The following SCAMP5 variants were observed in gnomAD, a reference collection of about 807,000 sequenced individuals.
The protein encoded by SCAMP5 is secretory carrier-associated membrane protein 5.
SCAMP5 carries 7 observed loss-of-function variants against 28.3 expected under a neutral mutation model. The ratio of observed to expected loss-of-function variants is 0.25; its 90% CI spans 0.14 to 0.46. The LOEUF (loss-of-function observed/expected upper bound fraction) is 0.46. SCAMP5 is among the 20% of genes least tolerant of loss of function. SCAMP5 has a pLI of 0.99. For synonymous variants in SCAMP5, 117 were observed against 116.4 expected, an observed-to-expected ratio of 1.00 and a Z score of -0.03; for missense variants, 192 against 312.5, an observed-to-expected ratio of 0.61 and a Z score of 2.91.
intron 1 of SCAMP5, among the ~76,000 whole-genome samples, chr15:75,002,101 GT>G (rs1476435050): frequency 6.6e-6 from 1 of 151,872 alleles, no homozygotes; most frequent in African/African-American, 2.4e-5. Flanking sequence ...GTGAGACCCT[GT>G]CTCAAATAAA....
At chr15:75,010,627 C>A (rs1294929760) in intron 1 of SCAMP5, among the ~76,000 whole-genome samples, 1 of 152,092 alleles carries the variant, frequency 6.6e-6, no homozygotes, top group East Asian at 1.9e-4. Flanking sequence ...AGCTGTGCAA[C>A]ACAGCAAGAC....
intron 1 of SCAMP5, among the ~76,000 whole-genome samples, chr15:75,000,312 T>G (rs571152666): frequency 6.6e-6 from 1 of 152,272 alleles, no homozygotes; most frequent in South Asian, 2.1e-4. Flanking sequence ...CTCACAATCC[T>G]CCCACCTCAG....
chr15:74,997,879 A>G (rs8029718), intron 1 of SCAMP5, among the ~76,000 whole-genome samples: 4,833 of 152,300 alleles, frequency 0.032, 224 homozygotes, highest in African/African-American at 0.1. Flanking sequence ...TCAGGGCAGA[A>G]GATGGGGCTA....
chr15:75,013,018 C>A (rs1053407359), intron 3 of SCAMP5: 1 of 577,264 alleles, frequency 1.7e-6, no homozygotes, highest in East Asian at 2.9e-5. Flanking sequence ...CTCAACCTCC[C>A]CCATCTAGGC....
chr15:75,014,834 A>C (rs2065845315), intron 3 of SCAMP5, among the ~76,000 whole-genome samples: 1 of 152,134 alleles, frequency 6.6e-6, no homozygotes, highest in Non-Finnish European at 1.5e-5. Context: ...GACTGGGGAG[A>C]GATGTGAACC....
Position 75,018,466 on chromosome 15 carries a change from G to C in SCAMP5, c.444G>C (p.Ala148=). The C allele has an allele frequency of 6.2e-7, 1 of 1,613,814 alleles. No homozygotes were observed. The highest frequency in any genetic ancestry group is 8.5e-7 in the Non-Finnish European group (1 of 1,179,786). ...ISFFGTNIGS[A]VVMLIPTVMF... The stretch of plus-strand genomic sequence containing the variant: ...TCTTCGGAACGAACATTGGCTCGGC[G>C]GTGGTGATGCTAATTCCCACTGTCA... The change falls in exon 6 of 7, where the codon GCG becomes GCC. Residue 148 remains alanine (A), a synonymous_variant. Coordinates refer to ENST00000425597, the MANE Select transcript of SCAMP5 (RefSeq NM_138967.4). The surrounding 1 kb of genome is among the most constrained non-coding windows in gnomAD (Gnocchi z 5.6).
At chr15:75,012,998 C>G in intron 3 of SCAMP5, 193 bp downstream of exon 3, 1 of 594,548 alleles carries the variant, frequency 1.7e-6, no homozygotes, top group Non-Finnish European at 3.0e-6. Flanking sequence ...CCGACTGGGC[C>G]TCAGTTTCCC....
In SCAMP5 at chr15:75,018,098, G is replaced by A; in HGVS notation, c.395+127G>A. 1 of 664,766 alleles carries A rather than the reference G, an allele frequency of 1.5e-6. No homozygotes were observed. Among genetic ancestry groups the A allele is most frequent in the East Asian group, 2.6e-5 (1 of 39,154 alleles). The allele number at this position is 664,766 out of a possible 1,614,324, so 41.2% of individuals were successfully genotyped here. On this transcript the variant is annotated intron_variant, in intron 5 of 6. Transcript: ENST00000425597. The surrounding 1 kb of genome is among the most constrained non-coding windows in gnomAD (Gnocchi z 5.6). Reference sequence around the variant, plus strand: ...TGATGGGTTGTTGGGAGAGTGAGAGGATTCGGGATAGTGTAGTAGTACAAC... The same window carrying A: ...TGATGGGTTGTTGGGAGAGTGAGAGAATTCGGGATAGTGTAGTAGTACAAC...
chr15:75,015,925 CAAAAAAAAAAAAAA>C (rs71308031), intron 3 of SCAMP5, among the ~76,000 whole-genome samples: 1 of 63,052 alleles, frequency 1.6e-5, no homozygotes, highest in Admixed American at 1.9e-4. Flanking sequence ...AATTCCATCT[CAAAAAAAAAAAAAA>C]AAAAAAAGAA....
At chr15:75,011,983 C>G (rs2065815924) in intron 2 of SCAMP5, 137 bp downstream of exon 2, 1 of 624,012 alleles carries the variant, frequency 1.6e-6, no homozygotes, top group South Asian at 2.2e-5. Context: ...GCTTTCCCCA[C>G]TCTCTCCACT....
In SCAMP5 at chr15:75,018,937, C is replaced by A. The variant is rs781088802; in HGVS notation, c.662C>A (p.Thr221Asn). Residue 221 changes from threonine (T) to asparagine (N), a missense_variant, in exon 7 of 7, where the codon ACT becomes AAT. Physicochemically the swap from Thr to Asn is moderately conservative, Grantham distance 65. Transcript: ENST00000425597. This position sits in a 1 kb window ranked among gnomAD's most constrained non-coding sequence, Gnocchi z 5.6. Reference protein sequence around the residue: ...AAQGAMNQPQTQYSATPNYTY... With the variant: ...AAQGAMNQPQNQYSATPNYTY... ...CAGGGTGCCATGAATCAGCCTCAGA[C>A]TCAGTATTCCGCCACCCCCAATTAC... 6.4e-7 allele frequency: 1 copy of A among 1,554,210 alleles called. No homozygotes were observed. The highest frequency in any genetic ancestry group is 2.3e-5 in the East Asian group (1 of 43,384).
chr15:75,009,441 TTG>T (rs3057655), intron 1 of SCAMP5, among the ~76,000 whole-genome samples: 16,604 of 135,918 alleles, frequency 0.12, 1,256 homozygotes, highest in African/African-American at 0.24. Flanking sequence ...TGCTAGAAGT[TTG>T]TGTGTGTGTG....
At chr15:74,999,839 A>G (rs2065687051) in intron 1 of SCAMP5, among the ~76,000 whole-genome samples, 3 of 152,182 alleles carry the variant, frequency 2.0e-5, no homozygotes, top group South Asian at 4.1e-4. Context: ...CCTGATTGCC[A>G]TATCAACTTG....
At chr15:75,004,364 C>T (rs1041144478) in intron 1 of SCAMP5, among the ~76,000 whole-genome samples, 2 of 152,112 alleles carry the variant, frequency 1.3e-5, no homozygotes, top group Admixed American at 6.6e-5. Context: ...AAAATTTTTT[C>T]GCAGAACCGT....
intron 3 of SCAMP5, chr15:75,013,141 A>C (rs1437700414): frequency 4.1e-6 from 1 of 243,454 alleles, no homozygotes; most frequent in South Asian, 7.6e-5. Context: ...CACTGGAGTA[A>C]CTTTCCAGGG....
intron 1 of SCAMP5, among the ~76,000 whole-genome samples, chr15:74,998,989 C>T (rs2065677925): frequency 6.6e-6 from 1 of 152,140 alleles, no homozygotes; most frequent in African/African-American, 2.4e-5. Context: ...TTTCTCCTCT[C>T]CCTCTGCTTC....
Position 75,019,069 on chromosome 15 carries a change from G to T in SCAMP5, c.*86G>T. ...TCGTCATTTGTGGTTACCAAGCAGG[G>T]TTCCCCCTTCCCTTTTCTCCTTCCC... is the stretch of plus-strand genomic sequence containing the variant. On this transcript the variant is annotated 3_prime_UTR_variant, in exon 7 of 7. Coordinates refer to ENST00000425597, the MANE Select transcript of SCAMP5 (RefSeq NM_138967.4). 1 of 916,528 alleles carries T rather than the reference G, an allele frequency of 1.1e-6. No individual in the cohort carries two copies. Among genetic ancestry groups the T allele is most frequent in the Non-Finnish European group, 1.6e-6 (1 of 618,226 alleles). 56.8% of individuals were successfully genotyped at this position (916,528 alleles called of 1,614,324 possible). A position where few individuals can be genotyped will look rare whatever the true frequency, so the allele number is the denominator to read the frequency against.
At chr15:75,015,617 T>C (rs940176756) in intron 3 of SCAMP5, among the ~76,000 whole-genome samples, 1 of 152,122 alleles carries the variant, frequency 6.6e-6, no homozygotes, top group Non-Finnish European at 1.5e-5. Context: ...GGAGCTGGCA[T>C]GAGTGTTATC....
chr15:75,000,947 A>G (rs1283914715), intron 1 of SCAMP5, among the ~76,000 whole-genome samples: 1 of 150,078 alleles, frequency 6.7e-6, no homozygotes, highest in Non-Finnish European at 1.5e-5. Flanking sequence ...TCCCTGGCCA[A>G]CTCCCTATTC....
Sources: gnomAD v4.1 joint callset for allele counts (sites outside exome capture counted in the v4.1 genomes callset) on GRCh38, gnomAD v4.1.1 for gene constraint, Gnocchi (gnomAD v3.1) non-coding constraint, MANE v1.5 for transcripts, NCBI Gene and HGNC (gene_info 2026-07-23, HGNC 2026-07-21) for gene names.